CCSER1: variants seen among roughly 807,000 people sequenced by gnomAD.
CCSER1 encodes serine-rich coiled-coil domain-containing protein 1.
A neutral mutation model predicts 82.0 loss-of-function variants in CCSER1; 41 were observed. The observed-to-expected ratio is 0.50, with a 90% confidence interval of 0.39 to 0.65. The LOEUF (loss-of-function observed/expected upper bound fraction) is 0.65. Ranked by LOEUF, CCSER1 falls within the 30% of genes least tolerant of loss-of-function variation. CCSER1 has a pLI of 0.00. For missense variants in CCSER1, 1,119 were observed against 1,064.2 expected (o/e 1.05, Z -0.72); for synonymous variants, 414 against 383.9 (o/e 1.08, Z -0.92).
intron 10 of CCSER1, among the ~76,000 whole-genome samples, chr4:91,344,125 A>G (rs1747897151): frequency 6.6e-6 from 1 of 152,164 alleles, no homozygotes; most frequent in East Asian, 1.9e-4. Context: ...GAAGGTGATT[A>G]AGTCTTAAGG....
chr4:90,309,763 C>T (rs1019903623), intron 2 of CCSER1, among the ~76,000 whole-genome samples, 155 bp downstream of exon 2: 4 of 151,900 alleles, frequency 2.6e-5, no homozygotes, highest in African/African-American at 9.7e-5. Flanking sequence ...AAATGTTTCC[C>T]CTGCTTGATT....
At chr4:90,688,844 G>A (rs559324706) in intron 6 of CCSER1, among the ~76,000 whole-genome samples, 5 of 152,094 alleles carry the variant, frequency 3.3e-5, no homozygotes, top group African/African-American at 7.2e-5. Flanking sequence ...TTCAGATTCC[G>A]AGGCATCTCA....
chr4:91,184,803 A>T (rs1734368170), intron 10 of CCSER1, among the ~76,000 whole-genome samples: 1 of 152,040 alleles, frequency 6.6e-6, no homozygotes, highest in African/African-American at 2.4e-5. Context: ...CATACCAGGG[A>T]CATACCTCAT....
chr4:91,174,580 T>C (rs1287489569), intron 10 of CCSER1, among the ~76,000 whole-genome samples: 1 of 152,126 alleles, frequency 6.6e-6, no homozygotes, highest in Non-Finnish European at 1.5e-5. Context: ...CCCACATGCA[T>C]TAGGTATTTG....
chr4:91,412,719 G>A (rs78484623), intron 10 of CCSER1, among the ~76,000 whole-genome samples: 3,272 of 152,116 alleles, frequency 0.022, 96 homozygotes, highest in African/African-American at 0.074. Context: ...ACAGGAGAAG[G>A]TCTTTACATT....
chr4:90,414,231 C>A (rs1755453280), intron 4 of CCSER1, among the ~76,000 whole-genome samples: 1 of 150,772 alleles, frequency 6.6e-6, no homozygotes, highest in Non-Finnish European at 1.5e-5. Context: ...ATGATCTTGG[C>A]ATTATCTAAT....
At chr4:91,272,841 T>A (rs552233235) in intron 10 of CCSER1, among the ~76,000 whole-genome samples, 7 of 152,368 alleles carry the variant, frequency 4.6e-5, no homozygotes, top group Non-Finnish European at 1.0e-4. Context: ...ACACCATTTT[T>A]TGAATAGTGT....
At chr4:90,132,307 A>G (rs866813364) in intron 1 of CCSER1, among the ~76,000 whole-genome samples, 1 of 152,190 alleles carries the variant, frequency 6.6e-6, no homozygotes, top group African/African-American at 2.4e-5. Flanking sequence ...CAGCTTCTGC[A>G]TGATTTCCCT....
chr4:90,311,729 T>C (rs932792961), intron 2 of CCSER1, among the ~76,000 whole-genome samples: 1 of 152,230 alleles, frequency 6.6e-6, no homozygotes, highest in Non-Finnish European at 1.5e-5. Flanking sequence ...TTAACTTTTA[T>C]TCATTGTCTT....
At chr4:90,750,536 A>G (rs921499286) in intron 7 of CCSER1, among the ~76,000 whole-genome samples, 3 of 152,130 alleles carry the variant, frequency 2.0e-5, no homozygotes, top group Non-Finnish European at 2.9e-5. Flanking sequence ...TTTGCTTTCC[A>G]GTGTATGCGT....
At chr4:91,249,245 CAT>C (rs530902067) in intron 10 of CCSER1, among the ~76,000 whole-genome samples, 31 of 152,082 alleles carry the variant, frequency 2.0e-4, no homozygotes, top group Non-Finnish European at 4.4e-4. Context: ...TTAGTTGTCA[CAT>C]GTTTTGAAAG....
At chr4:91,106,839 A>T (rs948562932) in intron 10 of CCSER1, among the ~76,000 whole-genome samples, 5 of 152,196 alleles carry the variant, frequency 3.3e-5, no homozygotes, top group Admixed American at 3.3e-4. Flanking sequence ...TACTCTATAG[A>T]TGAATTATAA....
chr4:90,277,765 G>C (rs1728101902), intron 1 of CCSER1, among the ~76,000 whole-genome samples: 1 of 151,920 alleles, frequency 6.6e-6, no homozygotes, highest in Admixed American at 6.6e-5. Context: ...CTCAATATCA[G>C]CCTTGGCAAT....
chr4:90,272,425 G>A (rs565651420), intron 1 of CCSER1, among the ~76,000 whole-genome samples: 37 of 152,284 alleles, frequency 2.4e-4, no homozygotes, highest in Middle Eastern at 6.8e-3. Context: ...AGACAAGGAT[G>A]TGGAGAAAAG....
intron 10 of CCSER1, among the ~76,000 whole-genome samples, chr4:91,350,863 A>G (rs1748423078): frequency 6.6e-6 from 1 of 152,036 alleles, no homozygotes; most frequent in African/African-American, 2.4e-5. Context: ...CAACAACATC[A>G]AAAAATTTAC....
intron 10 of CCSER1, among the ~76,000 whole-genome samples, chr4:91,530,680 CTTTCT>C (rs1459100120): frequency 2.5e-5 from 3 of 119,172 alleles, no homozygotes; most frequent in Non-Finnish European, 5.0e-5. Flanking sequence ...TTGTATTTTT[CTTTCT>C]TTTTTTTTTT....
At chr4:90,520,503 G>T (rs576428642) in intron 5 of CCSER1, among the ~76,000 whole-genome samples, 73 of 152,180 alleles carry the variant, frequency 4.8e-4, no homozygotes, top group East Asian at 3.5e-3. Context: ...TCAGTTTCTT[G>T]TTGGCTTTCT....
chr4:91,508,159 T>C (rs865821290), intron 10 of CCSER1, among the ~76,000 whole-genome samples: 1 of 80,006 alleles, frequency 1.2e-5, no homozygotes, highest in East Asian at 3.9e-4. Context: ...TTTTTTTTTC[T>C]GGGTTTTTTT....
intron 6 of CCSER1, among the ~76,000 whole-genome samples, chr4:90,667,338 G>A (rs995941683): frequency 6.6e-6 from 1 of 152,100 alleles, no homozygotes; most frequent in Non-Finnish European, 1.5e-5. Flanking sequence ...ATTGTTAAGT[G>A]TTAGCTACTA....
Sources: gnomAD v4.1 joint callset for allele counts (sites outside exome capture counted in the v4.1 genomes callset) on GRCh38, gnomAD v4.1.1 for gene constraint, MANE v1.5 for transcripts, NCBI Gene and HGNC (gene_info 2026-07-23, HGNC 2026-07-21) for gene names.